ZMYND8: variants seen among roughly 807,000 people sequenced by gnomAD.
ZMYND8 encodes the protein zinc finger MYND-type containing 8.
A neutral mutation model predicts 140.8 loss-of-function variants in ZMYND8; 37 were observed. That is an observed-to-expected ratio of 0.26 (90% CI 0.20 to 0.35). The LOEUF is 0.35. ZMYND8 is among the 10% of genes least tolerant of loss of function. The pLI, the probability that ZMYND8 is intolerant of heterozygous loss-of-function variation, is 1.00. For missense variants in ZMYND8, 1,068 were observed against 1,570.0 expected (o/e 0.68, Z 5.40); for synonymous variants, 592 against 597.1 (o/e 0.99, Z 0.12).
In ZMYND8 at chr20:47,273,825, G is replaced by GA. The variant is rs555472523; in HGVS notation, c.1480+2488dup. Among the ~76,000 whole-genome samples the GA allele has an allele frequency of 7.9e-5, 12 of 152,186 alleles. No individual in the cohort carries two copies. The South Asian group carries it at 2.5e-3, about 32-fold the overall frequency. The stretch of plus-strand genomic sequence containing the variant: ...CAATGACTAAATAGTTGCAGAGTTG[G>GA]AAAAAAGACCCAAAAAGCCTAAAAT... On this transcript the variant is annotated intron_variant, in intron 11 of 22. Transcript: ENST00000471951.
At chr20:47,324,708 G>A (rs1236265603) in intron 2 of ZMYND8, among the ~76,000 whole-genome samples, 1 of 151,936 alleles carries the variant, frequency 6.6e-6, no homozygotes, top group Non-Finnish European at 1.5e-5. Context: ...CCTTAGACAA[G>A]CTCCTTCGCA....
chr20:47,236,505 T>C lies in ZMYND8; in HGVS notation c.2677A>G (p.Lys893Glu), dbSNP rs1464803038. ...GTGGATGGGCTCTGTGTGATCTCCT[T>C]CTGCTGGACAGCTAGGAAGGCAAAG... ...TRQAVKAVQQ[K>E]EITQSPSTST... The change falls in exon 16 of 23, where the codon AAG (lysine) becomes GAG (glutamate). Residue 893 changes from lysine (K) to glutamate (E), a missense_variant. Around this residue, in one of 10 missense-constraint regions of ZMYND8, gnomAD observed 383 missense variants for 431.2 expected, o/e 0.89. Transcript: ENST00000471951. 6.4e-7 allele frequency: 1 copy of C among 1,574,158 alleles called. No individual in the cohort carries two copies. Among genetic ancestry groups the C allele is most frequent in the African/African-American group, 1.4e-5 (1 of 73,884 alleles).
intron 18 of ZMYND8, 69 bp downstream of exon 18, chr20:47,227,134 G>C (rs909040035): frequency 6.6e-7 from 1 of 1,504,770 alleles, no homozygotes; most frequent in Admixed American, 1.7e-5. Context: ...ATCTCGGCTT[G>C]ACTCCAGAGG....
intron 19 of ZMYND8, among the ~76,000 whole-genome samples, chr20:47,222,353 G>A (rs1340138796): frequency 6.6e-6 from 1 of 152,174 alleles, no homozygotes; most frequent in Non-Finnish European, 1.5e-5. Flanking sequence ...GGCTAACACA[G>A]TAAAACCCTG....
chr20:47,276,910 T>TAA lies in ZMYND8; in HGVS notation c.999-117_999-116dup, dbSNP rs10717572. On this transcript the variant is annotated intron_variant, in intron 10 of 22. Coordinates refer to ENST00000471951, the MANE Select transcript of ZMYND8 (RefSeq NM_001281775.3). ...ATGTTTGCCAAGATTCTTATTCTATTAAAAAAAAAAAAAAAAAAACTTGGT... is the reference window on the plus strand; with the variant it reads ...ATGTTTGCCAAGATTCTTATTCTATTAAAAAAAAAAAAAAAAAAAAACTTGGT... 8.8e-3 allele frequency: 4,506 copies of TAA among 511,470 alleles called. 5 individuals are homozygous for TAA. Among genetic ancestry groups the TAA allele is most frequent in the East Asian group, 0.021 (388 of 18,462 alleles). 31.7% of individuals were successfully genotyped at this position (511,470 alleles called of 1,614,324 possible).
At chr20:47,337,268 A>G (rs543600573) in intron 2 of ZMYND8, among the ~76,000 whole-genome samples, 6 of 152,252 alleles carry the variant, frequency 3.9e-5, no homozygotes, top group Non-Finnish European at 8.8e-5. Flanking sequence ...ACGAGAATCA[A>G]TTGAATCCAG....
At chr20:47,300,935 T>TGTGTGTA (rs2077993177) in intron 3 of ZMYND8, among the ~76,000 whole-genome samples, 2 of 141,148 alleles carry the variant, frequency 1.4e-5, no homozygotes, top group African/African-American at 2.6e-5. Context: ...TGTGTGTGTG[T>TGTGTGTA]TTTGTTTTGT....
At position 47,231,272 on chromosome 20, in the gene ZMYND8, C is replaced by G. The variant is rs141495625; in HGVS notation, c.2857-1466G>C. Among the ~76,000 whole-genome samples the G allele has an allele frequency of 1.0e-3, 157 of 152,292 alleles. 1 individual carries two copies. In the East Asian group the frequency reaches 0.022, roughly 21 times the overall value. ...GGGGACAAGAGATCAGGCTCTGTCTCAGGCCTGGCTTGACTGGTGCTGAGT... is the reference window on the plus strand; with the variant it reads ...GGGGACAAGAGATCAGGCTCTGTCTGAGGCCTGGCTTGACTGGTGCTGAGT... On this transcript the variant is annotated intron_variant, in intron 16 of 22. Transcript: ENST00000471951.
At chr20:47,284,536 C>T (rs1035874317) in intron 8 of ZMYND8, among the ~76,000 whole-genome samples, 2 of 152,158 alleles carry the variant, frequency 1.3e-5, no homozygotes, top group Non-Finnish European at 2.9e-5. Flanking sequence ...TCCCTCAAAG[C>T]CACATGTGAT....
At chr20:47,355,549 A>C (rs1386125521) in intron 1 of ZMYND8, 2 of 958,820 alleles carry the variant, frequency 2.1e-6, no homozygotes, top group Admixed American at 6.2e-5. Flanking sequence ...TTTTTTAAAC[A>C]GTTACATGGT....
intron 16 of ZMYND8, among the ~76,000 whole-genome samples, chr20:47,232,013 C>CTG (rs2038557284): frequency 6.6e-6 from 1 of 152,222 alleles, no homozygotes; most frequent in Admixed American, 6.5e-5. Context: ...AGGAAAAGTT[C>CTG]ATCAGCTCCC....
chr20:47,255,589 TG>T (rs1555923979), intron 12 of ZMYND8, among the ~76,000 whole-genome samples: 1 of 131,852 alleles, frequency 7.6e-6, no homozygotes, highest in Non-Finnish European at 1.6e-5. Flanking sequence ...TGTGTGTGTG[TG>T]TGTGTATATA....
In ZMYND8 at chr20:47,209,556, CTG is replaced by C. The variant is rs1222644216; in HGVS notation, c.*1203_*1204del. The stretch of plus-strand genomic sequence containing the variant: ...TCTAATATGGGTAACTAGCTGGAAA[CTG>C]TACAGTTCGCATCCTCTTAACAATG... On this transcript the variant is annotated 3_prime_UTR_variant, in exon 23 of 23. Coordinates refer to ENST00000471951, the MANE Select transcript of ZMYND8 (RefSeq NM_001281775.3). The C allele has an allele frequency of 6.6e-6, 1 of 152,162 alleles. No homozygotes were observed. The highest frequency in any genetic ancestry group is 1.5e-5 in the Non-Finnish European group (1 of 68,030). 9.4% of individuals were successfully genotyped at this position (152,162 alleles called of 1,614,324 possible).
intron 5 of ZMYND8, among the ~76,000 whole-genome samples, chr20:47,294,114 G>A (rs992857619): frequency 2.6e-5 from 4 of 151,984 alleles, no homozygotes; most frequent in African/African-American, 4.8e-5. Flanking sequence ...TTGGGAGGCC[G>A]AGGCTGGAGG....
chr20:47,229,936 C>G, intron 16 of ZMYND8, 130 bp from the exon 17 acceptor site: 1 of 696,438 alleles, frequency 1.4e-6, no homozygotes, highest in Non-Finnish European at 2.3e-6. Context: ...GCATGAGACA[C>G]TGGGCATTTC....
chr20:47,243,372 T>C (rs1398628973), intron 14 of ZMYND8, among the ~76,000 whole-genome samples: 1 of 152,254 alleles, frequency 6.6e-6, no homozygotes, highest in African/African-American at 2.4e-5. Flanking sequence ...GAAGCTGCTC[T>C]AACTGAACTG....
rs6512440 is a variant in ZMYND8 at position 47,291,844 on chromosome 20, G to A, written c.612C>T (p.Asp204=). Residue 204 remains aspartate, a synonymous_variant, in exon 6 of 23, where the codon GAC becomes GAT. Coordinates refer to ENST00000471951, the MANE Select transcript of ZMYND8 (RefSeq NM_001281775.3). Reference sequence around the variant, plus strand: ...TTGGATGGAAGATGTATTCCGCATAGTCAGGGTGCTGTTCCAATGGAACGG... The same window carrying A: ...TTGGATGGAAGATGTATTCCGCATAATCAGGGTGCTGTTCCAATGGAACGG... ...QKPVPLEQHP[D]YAEYIFHPMD... is the part of the protein sequence containing the mutation. 5.2e-3 allele frequency: 8,423 copies of A among 1,613,340 alleles called. 346 individuals are homozygous for A. The African/African-American group carries it at 0.093, about 18-fold the overall frequency.
At chr20:47,340,967 G>A (rs534605708) in intron 2 of ZMYND8, among the ~76,000 whole-genome samples, 5 of 152,254 alleles carry the variant, frequency 3.3e-5, no homozygotes, top group South Asian at 2.1e-4. Context: ...CCATGAGTGC[G>A]AACGTGTGTT....
At chr20:47,240,464 A>G (rs900163027) in intron 14 of ZMYND8, among the ~76,000 whole-genome samples, 4 of 151,078 alleles carry the variant, frequency 2.6e-5, no homozygotes, top group African/African-American at 4.9e-5. Context: ...CAGGGAGCCG[A>G]GACCATGCCA....
Sources: gnomAD v4.1 joint callset for allele counts (sites outside exome capture counted in the v4.1 genomes callset) on GRCh38, gnomAD v4.1.1 for gene constraint, gnomAD v4.1.1 regional missense constraint, MANE v1.5 for transcripts, NCBI Gene and HGNC (gene_info 2026-07-23, HGNC 2026-07-21) for gene names.